The following UBLCP1 variants were observed in gnomAD, a reference collection of about 807,000 sequenced individuals.
UBLCP1 encodes ubiquitin like domain containing CTD phosphatase 1, also known as ubiquitin-like domain-containing CTD phosphatase 1.
UBLCP1 carries 28 observed loss-of-function variants against 42.4 expected under a neutral mutation model. The ratio of observed to expected loss-of-function variants is 0.66; its 90% CI spans 0.49 to 0.90. The LOEUF is 0.90. Ranked by LOEUF, UBLCP1 falls within the 40% of genes least tolerant of loss-of-function variation. UBLCP1 has a pLI of 0.00. For missense variants in UBLCP1, 279 were observed against 374.5 expected (o/e 0.75, Z 2.10); for synonymous variants, 122 against 120.8 (o/e 1.01, Z -0.07).
At chr5:159,263,771 C>T (rs1753333667) in intron 1 of UBLCP1, among the ~76,000 whole-genome samples, 2 of 152,194 alleles carry the variant, frequency 1.3e-5, no homozygotes, top group South Asian at 4.1e-4. Context: ...TGCTGGTGTG[C>T]GGTTCTCGCC....
At chr5:159,270,720 T>C in intron 5 of UBLCP1, 77 bp downstream of exon 5, 1 of 882,978 alleles carries the variant, frequency 1.1e-6, no homozygotes. Context: ...TTTTTTTTTT[T>C]CTTAGCAACT....
chr5:159,276,212 CA>C (rs1245739755), intron 8 of UBLCP1, among the ~76,000 whole-genome samples: 1 of 152,086 alleles, frequency 6.6e-6, no homozygotes. Context: ...TGCTCAAACC[CA>C]GGGGGCGGTG....
intron 7 of UBLCP1, 41 bp from the exon 8 acceptor site, chr5:159,275,107 A>C (rs1753517263): frequency 6.4e-7 from 1 of 1,562,770 alleles, no homozygotes; most frequent in Non-Finnish European, 8.8e-7. Context: ...GAAATTTTCC[A>C]CACTACTATG....
rs1210318477 is a variant in UBLCP1, at chr5:159,285,796, A to G, written c.*865A>G. 6.5e-6 allele frequency: 1 copy of G among 152,770 alleles called. No homozygotes were observed. The highest frequency in any genetic ancestry group is 2.4e-5 in the African/African-American group (1 of 41,454). 9.5% of individuals were successfully genotyped at this position (152,770 alleles called of 1,614,324 possible). A position where few individuals can be genotyped will look rare whatever the true frequency, so the allele number is the denominator to read the frequency against. Reference sequence around the variant, plus strand: ...AAAAAGTTTTTGTTCTGTTCCAGCTATATCTTGTCTAAGTGCTAACACTGT... The same window carrying G: ...AAAAAGTTTTTGTTCTGTTCCAGCTGTATCTTGTCTAAGTGCTAACACTGT... On this transcript the variant is annotated 3_prime_UTR_variant, in exon 11 of 11. Transcript: ENST00000296786.
At position 159,274,524 on chromosome 5, in the gene UBLCP1, AT is replaced by A. The variant is rs902196800; in HGVS notation, c.548-53del. 46 of 1,478,928 alleles carry A rather than the reference AT, an allele frequency of 3.1e-5. No individual in the cohort carries two copies. In the East Asian group the frequency reaches 4.4e-4, roughly 14 times the overall value. 91.6% of individuals were successfully genotyped at this position (1,478,928 alleles called of 1,614,324 possible). A position where few individuals can be genotyped will look rare whatever the true frequency, so the allele number is the denominator to read the frequency against. The stretch of plus-strand genomic sequence containing the variant: ...TTGCTTAGAAAACTTACTTATACAG[AT>A]TTTTTTTAAAGAAATTCAAGCTTTT... On this transcript the variant is annotated intron_variant, in intron 6 of 10. Coordinates refer to ENST00000296786, the MANE Select transcript of UBLCP1 (RefSeq NM_145049.5).
intron 1 of UBLCP1, among the ~76,000 whole-genome samples, chr5:159,265,485 G>A (rs1325183762): frequency 6.6e-6 from 1 of 152,166 alleles, no homozygotes; most frequent in Non-Finnish European, 1.5e-5. Context: ...ATCTTTGTGT[G>A]CTTAGATCTG....
intron 3 of UBLCP1, 142 bp downstream of exon 3, chr5:159,270,141 T>C: frequency 1.3e-6 from 1 of 781,644 alleles, no homozygotes; most frequent in Non-Finnish European, 2.0e-6. Context: ...GAATGTGTTA[T>C]TAACTGTATA....
At chr5:159,270,040 T>C (rs1413126931) in intron 3 of UBLCP1, 41 bp downstream of exon 3, 1 of 1,475,976 alleles carries the variant, frequency 6.8e-7, no homozygotes, top group East Asian at 2.3e-5. Context: ...CATTTGAAGA[T>C]ATTATGATTT....
chr5:159,284,584 A>G (rs928108634), intron 10 of UBLCP1, among the ~76,000 whole-genome samples: 6 of 152,170 alleles, frequency 3.9e-5, no homozygotes, highest in Non-Finnish European at 8.8e-5. Context: ...GTCAATGAGT[A>G]TGACCTCTGG....
intron 6 of UBLCP1, among the ~76,000 whole-genome samples, chr5:159,272,455 T>C (rs1753480369): frequency 6.6e-6 from 1 of 152,040 alleles, no homozygotes; most frequent in Non-Finnish European, 1.5e-5. Flanking sequence ...GGTCTCGCTG[T>C]GTTGCCCAGA....
At position 159,274,610 on chromosome 5, in the gene UBLCP1, A is replaced by G; in HGVS notation, c.573A>G (p.Glu191=). The change falls in exon 7 of 11, where the codon GAA becomes GAG. Residue 191 remains glutamate (E), a synonymous_variant. Transcript: ENST00000296786. The part of the protein sequence containing the change: ...IWSATNMKWI[E]AKMKELGVST... ...CTGCAACAAATATGAAGTGGATTGA[A>G]GCTAAAATGAAAGTAAGTGTTAGAA... is the stretch of plus-strand genomic sequence containing the variant. The G allele has an allele frequency of 1.2e-6, 2 of 1,611,636 alleles. No individual in the cohort carries two copies. Among genetic ancestry groups the G allele is most frequent in the Non-Finnish European group, 1.7e-6 (2 of 1,178,620 alleles).
At chr5:159,276,970 G>A (rs1042590539) in intron 8 of UBLCP1, among the ~76,000 whole-genome samples, 1 of 152,062 alleles carries the variant, frequency 6.6e-6, no homozygotes, top group African/African-American at 2.4e-5. Context: ...CTAATTGAGA[G>A]CAAAGTAGTT....
intron 6 of UBLCP1, 25 bp downstream of exon 6, chr5:159,272,146 T>C (rs1349041896): frequency 6.3e-7 from 1 of 1,576,236 alleles, no homozygotes. Context: ...TTTGTTTAGA[T>C]TTCCGTGGAA....
chr5:159,270,952 A>G (rs1753458247), intron 5 of UBLCP1, among the ~76,000 whole-genome samples: 1 of 145,764 alleles, frequency 6.9e-6, no homozygotes, highest in Non-Finnish European at 1.5e-5. Flanking sequence ...AATATTGTTT[A>G]TTATGAATGA....
intron 1 of UBLCP1, among the ~76,000 whole-genome samples, chr5:159,267,770 T>C (rs1162270302): frequency 1.3e-5 from 2 of 152,246 alleles, no homozygotes; most frequent in Admixed American, 1.3e-4. Flanking sequence ...GATGGGTTTA[T>C]CAGGGGTTTC....
chr5:159,269,078 C>T lies in UBLCP1; in HGVS notation c.154+9C>T, dbSNP rs972279404. On this transcript the variant is annotated intron_variant, in intron 2 of 10. Transcript: ENST00000296786. ...TGGACTCAAAGTTAAAGGTAATTCT[C>T]TCCCCTCTTCAGATTTTTTGCATTG... 2.6e-6 allele frequency: 4 copies of T among 1,516,708 alleles called. No individual in the cohort carries two copies. The highest frequency in any genetic ancestry group is 3.5e-6 in the Non-Finnish European group (4 of 1,137,990). The allele number at this position is 1,516,708 out of a possible 1,614,324, so 94.0% of individuals were successfully genotyped here.
chr5:159,271,014 A>G (rs1440644353), intron 5 of UBLCP1, among the ~76,000 whole-genome samples: 1 of 151,770 alleles, frequency 6.6e-6, no homozygotes, highest in Non-Finnish European at 1.5e-5. Flanking sequence ...TTTTGGCCAG[A>G]AAGTATTCTA....
intron 6 of UBLCP1, among the ~76,000 whole-genome samples, chr5:159,273,559 A>G (rs62378744): frequency 0.27 from 41,753 of 152,098 alleles, 6,193 homozygotes; most frequent in South Asian, 0.32. Context: ...AGCAACTAGT[A>G]CTATGTCTGA....
chr5:159,273,446 G>C (rs1424215289), intron 6 of UBLCP1, among the ~76,000 whole-genome samples: 5 of 152,126 alleles, frequency 3.3e-5, no homozygotes, highest in Non-Finnish European at 5.9e-5. Flanking sequence ...GTGTGACACT[G>C]GACAGGTCAC....
Sources: allele counts gnomAD v4.1 joint callset (sites outside exome capture counted in the v4.1 genomes callset), GRCh38; gene constraint gnomAD v4.1.1; transcripts MANE v1.5; gene names NCBI Gene and HGNC (gene_info 2026-07-23, HGNC 2026-07-21).